The following INPP4B variants were observed in gnomAD, a reference collection of about 807,000 sequenced individuals.
INPP4B encodes inositol polyphosphate-4-phosphatase type II B, also known as inositol polyphosphate 4-phosphatase type II.
Under a neutral mutation model 122.5 loss-of-function variants are expected in INPP4B, and 55 were observed. That is an observed-to-expected ratio of 0.45 (90% CI 0.36 to 0.56). INPP4B has a LOEUF of 0.56. Among genes scored for constraint, INPP4B ranks in the 20% least tolerant of loss-of-function variants. INPP4B has a pLI of 0.00. For missense variants in INPP4B, 1,000 were observed against 1,097.7 expected (o/e 0.91, Z 1.26); for synonymous variants, 403 against 388.7 (o/e 1.04, Z -0.43).
intron 5 of INPP4B, among the ~76,000 whole-genome samples, chr4:142,411,277 A>C (rs544976918): frequency 6.6e-6 from 1 of 152,244 alleles, no homozygotes; most frequent in East Asian, 1.9e-4. Context: ...GATGGCCCAC[A>C]GGGGAGCACT....
chr4:142,406,351 G>A (rs1262972894), intron 5 of INPP4B, among the ~76,000 whole-genome samples: 1 of 152,180 alleles, frequency 6.6e-6, no homozygotes, highest in African/African-American at 2.4e-5. Flanking sequence ...ATAACAGGAA[G>A]GGAGAGAAAG....
At chr4:142,155,040 A>T (rs1816436994) in intron 17 of INPP4B, among the ~76,000 whole-genome samples, 1 of 151,666 alleles carries the variant, frequency 6.6e-6, no homozygotes, top group African/African-American at 2.4e-5. Flanking sequence ...ATTAATATAT[A>T]TACACACATA....
chr4:142,492,048 C>A (rs960264626), intron 2 of INPP4B, among the ~76,000 whole-genome samples: 1 of 151,982 alleles, frequency 6.6e-6, no homozygotes, highest in South Asian at 2.1e-4. Context: ...AGCAGTTAAT[C>A]CCATGCTGTT....
chr4:142,283,350 G>A (rs1023016752), intron 9 of INPP4B, among the ~76,000 whole-genome samples: 1 of 152,088 alleles, frequency 6.6e-6, no homozygotes, highest in East Asian at 1.9e-4. Flanking sequence ...CACTTATTTA[G>A]TGTTCAATTA....
At chr4:142,641,391 G>T (rs1035531608) in intron 2 of INPP4B, among the ~76,000 whole-genome samples, 1 of 151,630 alleles carries the variant, frequency 6.6e-6, no homozygotes, top group Non-Finnish European at 1.5e-5. Context: ...TTTACATTAG[G>T]TATACCACCT....
intron 14 of INPP4B, among the ~76,000 whole-genome samples, chr4:142,202,113 G>A (rs940212664): frequency 6.6e-6 from 1 of 151,972 alleles, no homozygotes; most frequent in Non-Finnish European, 1.5e-5. Context: ...AGTATCCAAA[G>A]TAATAGATAA....
At chr4:142,236,032 G>A (rs191335185) in intron 12 of INPP4B, among the ~76,000 whole-genome samples, 1 of 152,300 alleles carries the variant, frequency 6.6e-6, no homozygotes, top group African/African-American at 2.4e-5. Flanking sequence ...TAAAGGGTAA[G>A]CCCTAGTCCT....
At chr4:142,186,379 G>A (rs1051265163) in intron 15 of INPP4B, among the ~76,000 whole-genome samples, 2 of 151,448 alleles carry the variant, frequency 1.3e-5, no homozygotes, top group Non-Finnish European at 2.9e-5. Flanking sequence ...CACAAAGACA[G>A]TATGTGACAA....
intron 11 of INPP4B, among the ~76,000 whole-genome samples, chr4:142,259,123 A>C (rs574106976): frequency 2.3e-4 from 34 of 148,188 alleles, no homozygotes; most frequent in Non-Finnish European, 3.4e-4. Context: ...CAAACACCGC[A>C]TATTCTCACT....
At chr4:142,431,472 A>C (rs957946987) in intron 3 of INPP4B, 87 bp from the exon 4 acceptor site, 1 of 547,794 alleles carries the variant, frequency 1.8e-6, no homozygotes, top group South Asian at 2.3e-5. Flanking sequence ...CTGCAACTAC[A>C]TTCAAATAAA....
intron 1 of INPP4B, among the ~76,000 whole-genome samples, chr4:142,789,968 C>A (rs1373360588): frequency 1.3e-5 from 2 of 151,804 alleles, no homozygotes; most frequent in East Asian, 3.9e-4. Context: ...AAAGCAATAA[C>A]ATAAAGTGGG....
chr4:142,651,702 C>G (rs1580625530), intron 2 of INPP4B, among the ~76,000 whole-genome samples: 1 of 152,212 alleles, frequency 6.6e-6, no homozygotes, highest in South Asian at 2.1e-4. Context: ...AGACCAATCA[C>G]AGACTATGAA....
chr4:142,473,364 A>C (rs1214643114), intron 2 of INPP4B: 2 of 152,568 alleles, frequency 1.3e-5, no homozygotes, highest in African/African-American at 4.8e-5. Context: ...CTTAATGTAG[A>C]GTCAGCAGAA....
chr4:142,512,245 G>A (rs1385384079), intron 2 of INPP4B, among the ~76,000 whole-genome samples: 3 of 151,978 alleles, frequency 2.0e-5, no homozygotes, highest in Admixed American at 6.6e-5. Flanking sequence ...GTACCTTTTA[G>A]GTATACAGCA....
intron 1 of INPP4B, among the ~76,000 whole-genome samples, chr4:142,778,725 C>T (rs1309211118): frequency 6.6e-6 from 1 of 152,100 alleles, no homozygotes; most frequent in South Asian, 2.1e-4. Flanking sequence ...ATGCAACTTA[C>T]CACCACTACT....
chr4:142,112,449 G>T (rs1790680301), intron 22 of INPP4B, 93 bp downstream of exon 22: 4 of 1,211,194 alleles, frequency 3.3e-6, no homozygotes, highest in South Asian at 1.4e-5. Context: ...ATAAATTGAT[G>T]TTAGTTCTAC....
At position 142,082,065 on chromosome 4, in the gene INPP4B, C is replaced by G. The variant is rs748058451; in HGVS notation, c.2608G>C (p.Asp870His). ...ILRDEHQLHK[D>H]FFIRALDCMR... ...CAATCCAGCGCTCGGATAAAGAAGT[C>G]CTTGTGTAACTGGTGCTCATCTCTC... The change falls in exon 25 of 26, where the codon GAC (aspartate) becomes CAC (histidine). Residue 870 changes from aspartate to histidine, a missense_variant. By Grantham distance (81) the Asp-to-His change is moderately conservative (BLOSUM62 -1). Transcript: ENST00000262992. 1.0e-5 allele frequency: 15 copies of G among 1,477,830 alleles called. No individual in the cohort carries two copies. Among genetic ancestry groups the G allele is most frequent in the African/African-American group, 1.4e-5 (1 of 73,644 alleles). The allele number at this position is 1,477,830 out of a possible 1,614,324, so 91.5% of individuals were successfully genotyped here.
At chr4:142,803,899 A>C (rs1190505114) in intron 1 of INPP4B, among the ~76,000 whole-genome samples, 1 of 151,932 alleles carries the variant, frequency 6.6e-6, no homozygotes, top group Non-Finnish European at 1.5e-5. Flanking sequence ...TCTACTAAAA[A>C]TACAAAAAAA....
chr4:142,568,526 T>C (rs1701367302), intron 2 of INPP4B, among the ~76,000 whole-genome samples: 1 of 152,198 alleles, frequency 6.6e-6, no homozygotes, highest in Admixed American at 6.5e-5. Context: ...ATTCACTTTA[T>C]TTTATATCAT....
Sources: allele counts gnomAD v4.1 joint callset (sites outside exome capture counted in the v4.1 genomes callset), GRCh38; gene constraint gnomAD v4.1.1; transcripts MANE v1.5; gene names NCBI Gene and HGNC (gene_info 2026-07-23, HGNC 2026-07-21).